Variants in PCM1 observed in about 807,000 individuals in gnomAD.
PCM1 encodes the protein pericentriolar material 1, also known as pericentriolar material 1 protein.
PCM1 carries 157 observed loss-of-function variants against 241.9 expected under a neutral mutation model. The observed-to-expected ratio is 0.65, with a 90% CI of 0.57 to 0.74. The LOEUF is 0.74. Among genes scored for constraint, PCM1 ranks in the 30% least tolerant of loss-of-function variants. The pLI, the probability that PCM1 is intolerant of heterozygous loss-of-function variation, is 0.00. For missense variants in PCM1, 3,478 were observed against 2,360.1 expected, an observed-to-expected ratio of 1.47 and a Z score of -9.81; for synonymous variants, 1,085 against 784.9, an observed-to-expected ratio of 1.38 and a Z score of -6.39.
chr8:18,024,228 T>C (rs1210854297), intron 36 of PCM1, among the ~76,000 whole-genome samples: 2 of 152,098 alleles, frequency 1.3e-5, no homozygotes, highest in Non-Finnish European at 2.9e-5. Flanking sequence ...TAGCCAGGCG[T>C]GAGAGTGCAG....
rs2092347951 is a variant in PCM1, at chr8:18,010,635, C to T, written c.5187C>T (p.Gly1729=). 1 of 1,603,850 alleles carries T rather than the reference C, an allele frequency of 6.2e-7. No homozygotes were observed. Among genetic ancestry groups the T allele is most frequent in the East Asian group, 2.3e-5 (1 of 44,364 alleles). The change falls in exon 32 of 39, where the codon GGC becomes GGT. Residue 1729 remains glycine (G), a synonymous_variant. Transcript: ENST00000325083. The stretch of plus-strand genomic sequence containing the variant: ...CTAAAAGGATTCTTGAAGATCATGG[C>T]TCACCTGCTGGAGAGATTGATGATG... ...KEAKRILEDH[G]SPAGEIDDED... is the part of the protein sequence containing the mutation.
chr8:17,928,547 C>G (rs1207084994), intron 2 of PCM1, among the ~76,000 whole-genome samples: 2 of 151,430 alleles, frequency 1.3e-5, no homozygotes, highest in African/African-American at 2.4e-5. Context: ...CCCCAATGGC[C>G]CCCGCTTTCT....
chr8:17,981,438 A>G lies in PCM1; in HGVS notation c.4108+683A>G, dbSNP rs376988950. On this transcript the variant is annotated intron_variant, in intron 24 of 38. Coordinates refer to ENST00000325083, the MANE Select transcript of PCM1 (RefSeq NM_006197.4). Reference sequence around the variant, plus strand: ...ATTTTGTTGCCTTAATCACATTATTATAGTATTTCCCTGTTTGTCACTTTT... The same window carrying G: ...ATTTTGTTGCCTTAATCACATTATTGTAGTATTTCCCTGTTTGTCACTTTT... Among the ~76,000 whole-genome samples the G allele has an allele frequency of 2.6e-5, 4 of 152,222 alleles. No homozygotes were observed. The East Asian group carries it at 5.8e-4, about 22-fold the overall frequency.
Position 17,972,582 on chromosome 8 carries a change from A to G in PCM1, c.3838A>G (p.Arg1280Gly), listed in dbSNP as rs2129472235. ...PTTVTKTFKT[R>G]KASAQASLAS... ...AACAGTGACTAAAACATTCAAGACAAGAAAAGCGTCTGCACAGGCCAGCCT... is the reference window on the plus strand; with the variant it reads ...AACAGTGACTAAAACATTCAAGACAGGAAAAGCGTCTGCACAGGCCAGCCT... The change falls in exon 23 of 39, where the codon AGA becomes GGA. Residue 1280 changes from arginine (R) to glycine (G), a missense_variant. Arg to Gly is a moderately radical substitution (Grantham distance 125). Transcript: ENST00000325083. 1 of 1,613,744 alleles carries G rather than the reference A, an allele frequency of 6.2e-7. No homozygotes were observed. Among genetic ancestry groups the G allele is most frequent in the African/African-American group, 1.3e-5 (1 of 75,058 alleles).
At chr8:17,965,875 T>G (rs990516922) in intron 18 of PCM1, 124 bp from the exon 19 acceptor site, 17 of 635,324 alleles carry the variant, frequency 2.7e-5, no homozygotes, top group Middle Eastern at 3.0e-4. Flanking sequence ...TTTTTAATAC[T>G]TTGTATGTTC....
intron 29 of PCM1, among the ~76,000 whole-genome samples, chr8:18,003,615 G>C (rs1006748369): frequency 1.3e-5 from 2 of 151,938 alleles, no homozygotes; most frequent in African/African-American, 4.8e-5. Flanking sequence ...ATAATTATTT[G>C]TATCTCCCCC....
chr8:18,022,491 T>A (rs995678791), intron 36 of PCM1, among the ~76,000 whole-genome samples: 4 of 152,172 alleles, frequency 2.6e-5, no homozygotes, highest in African/African-American at 4.8e-5. Context: ...CCACACACAC[T>A]TGGGTGAGCA....
chr8:17,947,185 G>C lies in PCM1; in HGVS notation c.784-1G>C, dbSNP rs1315334651. ...CAAGTATTGTTGGTCTTATTTTCCA[G>C]GCCAGAGATCCTCAGCAGGAGCCTA... On this transcript the variant is annotated splice_acceptor_variant, in intron 6 of 38. Transcript: ENST00000325083. LOFTEE classifies it high-confidence loss of function. The C allele has an allele frequency of 6.3e-7, 1 of 1,580,016 alleles. No homozygotes were observed. The highest frequency in any genetic ancestry group is 2.2e-5 in the East Asian group (1 of 44,498).
chr8:17,947,204 G>C lies in PCM1; in HGVS notation c.802G>C (p.Glu268Gln), dbSNP rs750768670. 6.2e-7 allele frequency: 1 copy of C among 1,604,604 alleles called. No individual in the cohort carries two copies. Among genetic ancestry groups the C allele is most frequent in the Non-Finnish European group, 8.5e-7 (1 of 1,174,124 alleles). The change falls in exon 7 of 39, where the codon GAG (glutamate) becomes CAG (glutamine). Residue 268 changes from glutamate to glutamine, a missense_variant. Physicochemically the swap from Glu to Gln is conservative, Grantham distance 29. Transcript: ENST00000325083. ...KKILARDPQQ[E>Q]PMEEIENLKK... Reference sequence around the variant, plus strand: ...TTTCCAGGCCAGAGATCCTCAGCAGGAGCCTATGGAAGAGATAGAAAATTT... The same window carrying C: ...TTTCCAGGCCAGAGATCCTCAGCAGCAGCCTATGGAAGAGATAGAAAATTT...
intron 27 of PCM1, among the ~76,000 whole-genome samples, chr8:17,990,838 C>G (rs2084358292): frequency 6.6e-6 from 1 of 152,126 alleles, no homozygotes; most frequent in Admixed American, 6.5e-5. Context: ...TTCGCCAAAA[C>G]AAAAGTCTTC....
In PCM1 at chr8:17,969,911, T is replaced by TA. The variant is rs113466712; in HGVS notation, c.3584+164dup. 1.0e-3 allele frequency among the ~76,000 whole-genome samples: 156 copies of TA among 152,296 alleles called. 1 individual carries two copies. Among genetic ancestry groups the TA allele is most frequent in the African/African-American group, 3.4e-3 (142 of 41,576 alleles). On this transcript the variant is annotated intron_variant, in intron 22 of 38. Transcript: ENST00000325083. ...ACGTATCAGTAGATGAGATGCCAGA[T>TA]ACTTCCTGGTAACCCTGGTACATTA... is the stretch of plus-strand genomic sequence containing the variant.
chr8:17,981,589 G>T (rs1204908186), intron 24 of PCM1, among the ~76,000 whole-genome samples: 1 of 152,120 alleles, frequency 6.6e-6, no homozygotes, highest in African/African-American at 2.4e-5. Flanking sequence ...CCTTAATCTA[G>T]TAGCTTTCAT....
intron 36 of PCM1, among the ~76,000 whole-genome samples, chr8:18,019,966 G>T (rs2093627683): frequency 1.3e-5 from 2 of 152,126 alleles, no homozygotes; most frequent in African/African-American, 2.4e-5. Context: ...GAGTTCATTG[G>T]TCTTATGGGA....
At chr8:18,014,081 A>G (rs2092851953) in intron 35 of PCM1, 45 bp downstream of exon 35, 1 of 1,008,184 alleles carries the variant, frequency 9.9e-7, no homozygotes. Flanking sequence ...AATTTCCTTT[A>G]TTTGCTTTAA....
Position 17,972,432 on chromosome 8 carries a change from G to C in PCM1, c.3688G>C (p.Val1230Leu), listed in dbSNP as rs201152808. 1,709 of 1,612,958 alleles carry C rather than the reference G, an allele frequency of 1.1e-3. 7 individuals are homozygous for C. Among genetic ancestry groups the C allele is most frequent in the Non-Finnish European group, 1.3e-3 (1,547 of 1,179,340 alleles). ...ACCATTTATCAAGACTGGATTTTCA[G>C]TGTCTGTAGAAAAATCTACAAGTAG... ...EKPFIKTGFSVSVEKSTSSNR... is the reference protein window; with the variant it reads ...EKPFIKTGFSLSVEKSTSSNR... The change falls in exon 23 of 39, where the codon GTG (valine) becomes CTG (leucine). Residue 1230 changes from valine (V) to leucine (L), a missense_variant. Physicochemically the swap from Val to Leu is conservative, Grantham distance 32. Transcript: ENST00000325083.
rs748625377 is a variant in PCM1, at chr8:18,006,377, C to A, written c.4942C>A (p.Gln1648Lys). Reference protein sequence around the residue: ...SKEFVKFFHKQLGSILQDSLA... With the variant: ...SKEFVKFFHKKLGSILQDSLA... ...AGAGTTTGTAAAGTTCTTTCATAAA[C>A]AACTTGGAAGTATATTACAGGTAAG... Residue 1648 changes from glutamine to lysine, a missense_variant, in exon 30 of 39, where the codon CAA (glutamine) becomes AAA (lysine). Coordinates refer to ENST00000325083, the MANE Select transcript of PCM1 (RefSeq NM_006197.4). The A allele has an allele frequency of 1.2e-6, 2 of 1,611,570 alleles. No homozygotes were observed. Among genetic ancestry groups the A allele is most frequent in the Non-Finnish European group, 1.7e-6 (2 of 1,177,952 alleles).
intron 26 of PCM1, 199 bp downstream of exon 26, chr8:17,986,286 T>G (rs773852645): frequency 5.0e-5 from 20 of 397,616 alleles, no homozygotes; most frequent in Non-Finnish European, 7.1e-5. Flanking sequence ...ACACCAAAAA[T>G]TATGTATGTA....
At chr8:18,007,487 T>G (rs2091647085) in intron 30 of PCM1, among the ~76,000 whole-genome samples, 1 of 152,194 alleles carries the variant, frequency 6.6e-6, no homozygotes, top group South Asian at 2.1e-4. Context: ...AAAGAGAAAT[T>G]ATAATTTAAA....
intron 36 of PCM1, among the ~76,000 whole-genome samples, chr8:18,020,076 G>C (rs1008532491): frequency 1.3e-5 from 2 of 152,090 alleles, no homozygotes; most frequent in African/African-American, 4.8e-5. Flanking sequence ...AGATAATTAG[G>C]AACAAGCTTT....
Sources: gnomAD v4.1 joint callset for allele counts (sites outside exome capture counted in the v4.1 genomes callset) on GRCh38, gnomAD v4.1.1 for gene constraint, MANE v1.5 for transcripts, NCBI Gene and HGNC (gene_info 2026-07-23, HGNC 2026-07-21) for gene names.